Variants in KIF7 observed in about 807,000 individuals in gnomAD.
KIF7 encodes the protein kinesin family member 7.
In KIF7, 104 loss-of-function variants were observed where a neutral mutation model predicts 135.7. The observed-to-expected ratio is 0.77, with a 90% CI of 0.65 to 0.90. KIF7 has a LOEUF of 0.90. Ranked by LOEUF, KIF7 falls within the 40% of genes least tolerant of loss-of-function variation. KIF7 has a pLI of 0.00. For synonymous variants in KIF7, 883 were observed against 809.4 expected, an observed-to-expected ratio of 1.09 and a Z score of -1.54; for missense variants, 2,005 against 1,839.1, an observed-to-expected ratio of 1.09 and a Z score of -1.65.
At chr15:89,633,317 C>G in intron 12 of KIF7, 51 bp from the exon 13 acceptor site, 1 of 1,536,636 alleles carries the variant, frequency 6.5e-7, no homozygotes, top group Non-Finnish European at 8.7e-7. Context: ...AGCATCTTAC[C>G]AGAGCCTGCC....
chr15:89,643,348 T>C (rs1963955523), intron 10 of KIF7, among the ~76,000 whole-genome samples: 1 of 152,218 alleles, frequency 6.6e-6, no homozygotes, highest in Admixed American at 6.5e-5. Flanking sequence ...AATCTAGAGA[T>C]GATTTAAAGT....
chr15:89,655,166 G>A (rs564182274), intron 1 of KIF7, among the ~76,000 whole-genome samples: 2 of 152,316 alleles, frequency 1.3e-5, no homozygotes, highest in Non-Finnish European at 2.9e-5. Context: ...CTCCACGCAG[G>A]CCCGGGATGC....
Position 89,648,784 on chromosome 15 carries a change from C to A in KIF7, c.924-10G>T. On this transcript the variant is annotated splice_polypyrimidine_tract_variant and intron_variant, in intron 4 of 18. Coordinates refer to ENST00000394412, the MANE Select transcript of KIF7 (RefSeq NM_198525.3). ...CGAGTCTTTGAGGATCCTGAGGGCG[C>A]GAGGGGGAGGCTCTCAGGGGCCCCG... 6.5e-7 allele frequency: 1 copy of A among 1,529,120 alleles called. No individual in the cohort carries two copies. 94.7% of individuals were successfully genotyped at this position (1,529,120 alleles called of 1,614,324 possible). A position where few individuals can be genotyped will look rare whatever the true frequency, so the allele number is the denominator to read the frequency against.
chr15:89,640,969 C>T (rs1963909038), intron 11 of KIF7, among the ~76,000 whole-genome samples: 1 of 152,106 alleles, frequency 6.6e-6, no homozygotes. Flanking sequence ...CACCACAGCA[C>T]TCCAGCCTGA....
intron 15 of KIF7, among the ~76,000 whole-genome samples, 153 bp downstream of exon 15, chr15:89,631,342 C>A (rs1366811640): frequency 6.6e-6 from 1 of 152,248 alleles, no homozygotes; most frequent in East Asian, 1.9e-4. Flanking sequence ...CCAGGCCAGC[C>A]CTCCCCAGCC....
rs142251044 is a variant in KIF7, at chr15:89,634,608, C to T, written c.2395-725G>A. On this transcript the variant is annotated intron_variant, in intron 11 of 18. Coordinates refer to ENST00000394412, the MANE Select transcript of KIF7 (RefSeq NM_198525.3). ...TCGGGTCACTCCCACCAGAATACTG[C>T]GCTTTTCCGATGGGCTTAAAAAAGG... Among the ~76,000 whole-genome samples, 29 of 152,328 alleles carry T rather than the reference C, an allele frequency of 1.9e-4. No individual in the cohort carries two copies. In the East Asian group the frequency reaches 5.4e-3, roughly 28 times the overall value.
intron 1 of KIF7, among the ~76,000 whole-genome samples, chr15:89,653,838 G>C (rs1231071872): frequency 6.6e-6 from 1 of 151,784 alleles, no homozygotes; most frequent in African/African-American, 2.4e-5. Context: ...GAACTCCTGG[G>C]CTCAAGGGAT....
exon 2 of KIF7, chr15:89,618,149 G>A (rs1309764308): frequency 5.6e-6 from 9 of 1,613,926 alleles, no homozygotes; most frequent in East Asian, 2.2e-5. Context: ...GTGGTTCCTC[G>A]AGGTCCTCTG....
chr15:89,648,102 T>C (rs1456903386), intron 5 of KIF7, among the ~76,000 whole-genome samples, 153 bp downstream of exon 5: 2 of 152,132 alleles, frequency 1.3e-5, no homozygotes, highest in African/African-American at 4.8e-5. Flanking sequence ...GTTAAGGAAG[T>C]GACCACGGTA....
At position 89,647,719 on chromosome 15, in the gene KIF7, G is replaced by C. The variant is rs775541283; in HGVS notation, c.1444-7C>G. 1.2e-5 allele frequency: 18 copies of C among 1,553,394 alleles called. No homozygotes were observed. Among genetic ancestry groups the C allele is most frequent in the Non-Finnish European group, 1.4e-5 (16 of 1,150,748 alleles). ...GCTGCGCCCCCTCATCCTCCTATAG[G>C]GCAGGGAGAGGGGCTTCAGGGGCGG... On this transcript the variant is annotated splice_region_variant and splice_polypyrimidine_tract_variant and intron_variant, in intron 5 of 18. Transcript: ENST00000394412.
In KIF7 at chr15:89,652,609, T is replaced by A. The variant is rs754667399; in HGVS notation, c.322A>T (p.Ser108Cys). Residue 108 changes from serine to cysteine, a missense_variant, in exon 2 of 19, where the codon AGT (serine) becomes TGT (cysteine). Ser to Cys is a moderately radical substitution (Grantham distance 112). Transcript: ENST00000394412. ...SGKTYTMGEA[S>C]VASLLEDEQG... ...CACGAACAGGGTCACTCACCCACAC[T>A]GGCCTCCCCCATGGTGTATGTCTTC... The A allele has an allele frequency of 1.2e-5, 18 of 1,523,000 alleles. No individual in the cohort carries two copies. The Admixed American group carries it at 2.8e-4, about 24-fold the overall frequency. The allele number at this position is 1,523,000 out of a possible 1,614,324, so 94.3% of individuals were successfully genotyped here. A position where few individuals can be genotyped will look rare whatever the true frequency, so the allele number is the denominator to read the frequency against.
chr15:89,647,821 T>G, intron 5 of KIF7, 109 bp from the exon 6 acceptor site: 1 of 899,716 alleles, frequency 1.1e-6, no homozygotes, highest in South Asian at 1.6e-5. Flanking sequence ...AAGCCCTACC[T>G]GCAGTGGGAA....
Position 89,649,261 on chromosome 15 carries a change from G to A in KIF7, c.636C>T (p.His212=), listed in dbSNP as rs566303918. 3.1e-5 allele frequency: 48 copies of A among 1,527,088 alleles called. No homozygotes were observed. The Admixed American group carries it at 9.4e-4, about 30-fold the overall frequency. The allele number at this position is 1,527,088 out of a possible 1,614,324, so 94.6% of individuals were successfully genotyped here. ...ARHTGATHLN[H]LSSRSHTVFT... ...AGACCGTGTGTGAGCGGCTAGACAGGTGGTTGAGGTGCGTGGCTCCCGTGT... is the reference window on the plus strand; with the variant it reads ...AGACCGTGTGTGAGCGGCTAGACAGATGGTTGAGGTGCGTGGCTCCCGTGT... The change falls in exon 4 of 19, where the codon CAC becomes CAT. Residue 212 remains histidine, a synonymous_variant. Transcript: ENST00000394412.
chr15:89,652,835 G>A lies in KIF7; in HGVS notation c.96C>T (p.His32=), dbSNP rs368482949. The part of the protein sequence containing the change: ...VRPLLPKELL[H]GHQSCLQVEP... The stretch of plus-strand genomic sequence containing the variant: ...CCACCTGCAGGCAGCTCTGATGCCC[G>A]TGCAGCAGCTCCTTGGGCAGCAGTG... Residue 32 remains histidine, a synonymous_variant, in exon 2 of 19, where the codon CAC becomes CAT. Transcript: ENST00000394412. The A allele has an allele frequency of 2.7e-4, 411 of 1,549,986 alleles. No homozygotes were observed. The highest frequency in any genetic ancestry group is 3.3e-4 in the Non-Finnish European group (375 of 1,146,576).
Position 89,649,118 on chromosome 15 carries a change from A to G in KIF7, c.779T>C (p.Leu260Pro). 6.5e-7 allele frequency: 1 copy of G among 1,547,770 alleles called. No homozygotes were observed. Among genetic ancestry groups the G allele is most frequent in the African/African-American group, 1.4e-5 (1 of 73,066 alleles). The part of the protein sequence containing the change: ...FVDLAGSERV[L>P]KTGSTGERLK... ...CCGCTCGCCGGTGCTGCCCGTCTTG[A>G]GCACCCTCTCTGAGCCCGCCAGGTC... Residue 260 changes from leucine to proline, a missense_variant, in exon 4 of 19, where the codon CTC becomes CCC. Coordinates refer to ENST00000394412, the MANE Select transcript of KIF7 (RefSeq NM_198525.3).
In KIF7 at chr15:89,647,671, C is replaced by G. The variant is rs1362468897; in HGVS notation, c.1485G>C (p.Gln495His). ...GAQQLLTLQN[Q>H]VARLEEENRD... ...GGTTCTCCTCCTCCAGCCGCGCCAC[C>G]TGGTTCTGCAGGGTCAGCAGCTGCT... The change falls in exon 6 of 19, where the codon CAG becomes CAC. Residue 495 changes from glutamine (Q) to histidine (H), a missense_variant. Coordinates refer to ENST00000394412, the MANE Select transcript of KIF7 (RefSeq NM_198525.3). 1.2e-6 allele frequency: 2 copies of G among 1,608,134 alleles called. No homozygotes were observed. Among genetic ancestry groups the G allele is most frequent in the African/African-American group, 1.3e-5 (1 of 75,000 alleles).
In KIF7 at chr15:89,633,819, C is replaced by T. The variant is rs374638470; in HGVS notation, c.2459G>A (p.Arg820Gln). Residue 820 changes from arginine (R) to glutamine (Q), a missense_variant, in exon 12 of 19, where the codon CGA becomes CAA. Coordinates refer to ENST00000394412, the MANE Select transcript of KIF7 (RefSeq NM_198525.3). ...CACGTTCCGCTCGAGCTCCTGCAGT[C>T]GCTTCTCACTCTGGGCCGACAGTGA... ...LVSLSAQSEK[R>Q]LQELERNVQL... is the part of the protein sequence containing the mutation. 40 of 1,613,098 alleles carry T rather than the reference C, an allele frequency of 2.5e-5. No homozygotes were observed. Among genetic ancestry groups the T allele is most frequent in the Admixed American group, 1.7e-4 (10 of 60,014 alleles).
rs1272984854 is a variant in KIF7 at position 89,629,522 on chromosome 15, G to T, written c.3370C>A (p.Leu1124Met). ...QHQQQIAFSELEMQLEEQQRL... is the reference protein window; with the variant it reads ...QHQQQIAFSEMEMQLEEQQRL... ...TGCTGCTCCTCCAGCTGCATCTCCAGTTCCGAGAAGGCAATCTGCTGCTGG... is the reference window on the plus strand; with the variant it reads ...TGCTGCTCCTCCAGCTGCATCTCCATTTCCGAGAAGGCAATCTGCTGCTGG... Residue 1124 changes from leucine (L) to methionine (M), a missense_variant, in exon 17 of 19, where the codon CTG becomes ATG. Coordinates refer to ENST00000394412, the MANE Select transcript of KIF7 (RefSeq NM_198525.3). The T allele has an allele frequency of 6.2e-7, 1 of 1,610,792 alleles. No homozygotes were observed. The highest frequency in any genetic ancestry group is 1.3e-5 in the African/African-American group (1 of 75,040).
intron 1 of KIF7, 147 bp from the exon 2 acceptor site, chr15:89,653,101 C>A: frequency 1.6e-6 from 1 of 614,494 alleles, no homozygotes; most frequent in South Asian, 2.5e-5. Flanking sequence ...TCCCCATGTC[C>A]AACCTGGTGC....
Sources: allele counts gnomAD v4.1 joint callset (sites outside exome capture counted in the v4.1 genomes callset), GRCh38; gene constraint gnomAD v4.1.1; transcripts MANE v1.5; gene names NCBI Gene and HGNC (gene_info 2026-07-23, HGNC 2026-07-21).